The following TTLL11 variants were observed in gnomAD, a reference collection of about 807,000 sequenced individuals.
TTLL11 encodes the protein tubulin tyrosine ligase like 11, also known as tubulin polyglutamylase TTLL11.
TTLL11 carries 42 observed loss-of-function variants against 51.7 expected under a neutral mutation model. The observed-to-expected ratio is 0.81, with a 90% CI of 0.64 to 1.05. The LOEUF is 1.05. Ranked by LOEUF, TTLL11 falls within the 50% of genes least tolerant of loss-of-function variation. The probability of loss-of-function intolerance (pLI) is 0.00; values close to 1 mark genes in which losing one functional copy is unlikely to be tolerated. For synonymous variants in TTLL11, 381 were observed against 383.5 expected (o/e 0.99, Z 0.08); for missense variants, 799 against 940.4 (o/e 0.85, Z 1.97).
chr9:121,985,579 C>T lies in TTLL11; in HGVS notation c.1269+3616G>A, dbSNP rs370254153. ...TCACCCAGGCTGGAGTGCAGTGGCG[C>T]GATCTCGGCTCACTGCAAGCTCCGC... On this transcript the variant is annotated intron_variant, in intron 4 of 8. Transcript: ENST00000321582. 5.7e-3 allele frequency among the ~76,000 whole-genome samples: 806 copies of T among 142,428 alleles called. 3 individuals carry two copies. Among genetic ancestry groups the T allele is most frequent in the Admixed American group, 0.012 (169 of 13,604 alleles). The allele number at this position is 142,428 out of a possible 152,430, so 93.4% of individuals were successfully genotyped here. A position where few individuals can be genotyped will look rare whatever the true frequency, so the allele number is the denominator to read the frequency against.
intron 8 of TTLL11, among the ~76,000 whole-genome samples, chr9:121,832,442 T>C (rs1043722792): frequency 6.6e-5 from 10 of 152,200 alleles, no homozygotes; most frequent in African/African-American, 2.4e-4. Flanking sequence ...TAATCATTCA[T>C]ATTTATTTAG....
chr9:122,028,532 T>C (rs1226632344), intron 3 of TTLL11, among the ~76,000 whole-genome samples: 2 of 152,070 alleles, frequency 1.3e-5, no homozygotes, highest in African/African-American at 4.8e-5. Context: ...TCAAAATGCA[T>C]GAGGAAAACA....
At chr9:122,074,541 G>T (rs558091676) in intron 1 of TTLL11, among the ~76,000 whole-genome samples, 1 of 152,068 alleles carries the variant, frequency 6.6e-6, no homozygotes, top group Non-Finnish European at 1.5e-5. Context: ...GAATTTTCTG[G>T]CAATGGCAGT....
At chr9:121,918,320 T>A (rs1840411621) in intron 6 of TTLL11, among the ~76,000 whole-genome samples, 1 of 152,126 alleles carries the variant, frequency 6.6e-6, no homozygotes, top group African/African-American at 2.4e-5. Context: ...CACAGAGTGA[T>A]GGGAAATGTC....
chr9:122,029,696 G>A (rs1844467742), intron 3 of TTLL11, among the ~76,000 whole-genome samples: 1 of 152,038 alleles, frequency 6.6e-6, no homozygotes, highest in Admixed American at 6.5e-5. Flanking sequence ...CTAATTTATC[G>A]AAGAAAATTT....
chr9:121,887,606 T>G (rs1160337603), intron 6 of TTLL11, among the ~76,000 whole-genome samples: 5 of 152,202 alleles, frequency 3.3e-5, no homozygotes, highest in Non-Finnish European at 7.3e-5. Context: ...ACTAGCTCGG[T>G]GTCCCGTGTG....
At chr9:122,075,801 C>T (rs1280935535) in intron 1 of TTLL11, among the ~76,000 whole-genome samples, 7 of 152,180 alleles carry the variant, frequency 4.6e-5, no homozygotes, top group Non-Finnish European at 7.3e-5. Context: ...CCTTCCAAAA[C>T]CTAAGGCTTT....
chr9:121,991,943 C>T (rs1038597983), intron 3 of TTLL11, among the ~76,000 whole-genome samples: 6 of 152,110 alleles, frequency 3.9e-5, no homozygotes, highest in Admixed American at 6.5e-5. Context: ...TGAGGTCTCC[C>T]GACCCCACCT....
chr9:122,022,968 G>A (rs1429932461), intron 3 of TTLL11, among the ~76,000 whole-genome samples: 1 of 151,818 alleles, frequency 6.6e-6, no homozygotes, highest in Non-Finnish European at 1.5e-5. Context: ...ACTCAAAAAT[G>A]TATACCATAA....
intron 8 of TTLL11, among the ~76,000 whole-genome samples, chr9:121,828,699 G>T (rs1410466041): frequency 6.6e-6 from 1 of 152,046 alleles, no homozygotes; most frequent in Non-Finnish European, 1.5e-5. Flanking sequence ...TTTTATTTAT[G>T]ATTCATTTAT....
chr9:121,948,651 T>C (rs1025807130), intron 6 of TTLL11, among the ~76,000 whole-genome samples: 4 of 152,292 alleles, frequency 2.6e-5, no homozygotes, highest in Admixed American at 6.5e-5. Flanking sequence ...GAAGAGCAAC[T>C]TGCTCAAGGT....
At chr9:122,015,807 C>CAAAAAAAAAAAAAAA (rs11297849) in intron 3 of TTLL11, among the ~76,000 whole-genome samples, 37 of 94,428 alleles carry the variant, frequency 3.9e-4, no homozygotes, top group African/African-American at 1.3e-3. Context: ...TCAAAAGAGA[C>CAAAAAAAAAAAAAAA]AAAAAAAAAA....
intron 6 of TTLL11, among the ~76,000 whole-genome samples, chr9:121,891,075 T>A (rs758517920): frequency 1.3e-5 from 2 of 152,220 alleles, no homozygotes; most frequent in African/African-American, 2.4e-5. Context: ...TAGGCTCCCA[T>A]GACACCCTGT....
At chr9:121,901,371 T>C (rs1188042732) in intron 6 of TTLL11, among the ~76,000 whole-genome samples, 1 of 152,168 alleles carries the variant, frequency 6.6e-6, no homozygotes, top group Non-Finnish European at 1.5e-5. Flanking sequence ...GACTACCCTT[T>C]GGATCTTCAT....
chr9:121,907,233 T>C (rs1839978312), intron 6 of TTLL11, among the ~76,000 whole-genome samples: 1 of 152,104 alleles, frequency 6.6e-6, no homozygotes, highest in African/African-American at 2.4e-5. Flanking sequence ...GAGGATCACC[T>C]GAGGTCAGGG....
chr9:121,895,742 C>T (rs947961765), intron 6 of TTLL11, among the ~76,000 whole-genome samples: 3 of 124 alleles, frequency 0.024, 1 homozygote, highest in Non-Finnish European at 0.047. Context: ...TGTGTGCGTC[C>T]GTGTGGTTGT....
intron 8 of TTLL11, among the ~76,000 whole-genome samples, chr9:121,860,106 T>C (rs773496897): frequency 2.0e-5 from 3 of 152,188 alleles, no homozygotes; most frequent in Non-Finnish European, 2.9e-5. Context: ...GTTCCCAGTA[T>C]GGATGGAATC....
chr9:122,017,323 A>G (rs1844016667), intron 3 of TTLL11, among the ~76,000 whole-genome samples: 1 of 152,182 alleles, frequency 6.6e-6, no homozygotes, highest in South Asian at 2.1e-4. Flanking sequence ...TATATTCTTT[A>G]GTATGTCAAT....
chr9:121,874,391 T>A (rs1053594644), intron 6 of TTLL11, among the ~76,000 whole-genome samples: 11 of 152,230 alleles, frequency 7.2e-5, no homozygotes, highest in Non-Finnish European at 1.5e-4. Context: ...TAGAATTTTT[T>A]AAAGATTATA....
Sources: allele counts gnomAD v4.1 joint callset (sites outside exome capture counted in the v4.1 genomes callset), GRCh38; gene constraint gnomAD v4.1.1; transcripts MANE v1.5; gene names NCBI Gene and HGNC (gene_info 2026-07-23, HGNC 2026-07-21).